Variants in AP4S1 observed in about 807,000 individuals in gnomAD.
AP4S1 encodes the protein AP-4 complex subunit sigma-1.
AP4S1 carries 23 observed loss-of-function variants against 19.8 expected under a neutral mutation model. That is an observed-to-expected ratio of 1.16 (90% CI 0.84 to 1.65). The LOEUF (loss-of-function observed/expected upper bound fraction) is 1.65, where lower values mean the gene tolerates loss of function less well. AP4S1 is among the 40% of genes most tolerant of loss of function. The pLI is 0.00. For synonymous variants in AP4S1, 46 were observed against 54.1 expected, an observed-to-expected ratio of 0.85 and a Z score of 0.66; for missense variants, 166 against 172.8, an observed-to-expected ratio of 0.96 and a Z score of 0.22.
Position 31,025,710 on chromosome 14 carries a change from A to G in AP4S1, c.-149A>G, listed in dbSNP as rs1594607283. ...ACCGCGTAGCCAGTGAAGGTTGGGGAGCAAGCTTATGCGGGAAAGAGGGAG... is the reference window on the plus strand; with the variant it reads ...ACCGCGTAGCCAGTGAAGGTTGGGGGGCAAGCTTATGCGGGAAAGAGGGAG... On this transcript the variant is annotated 5_prime_UTR_variant, in exon 1 of 6. Coordinates refer to ENST00000542754, the MANE Select transcript of AP4S1 (RefSeq NM_001128126.3). The G allele has an allele frequency of 1.2e-6, 1 of 816,748 alleles. No homozygotes were observed. Among genetic ancestry groups the G allele is most frequent in the South Asian group, 1.8e-5 (1 of 55,096 alleles). The allele number at this position is 816,748 out of a possible 1,614,324, so 50.6% of individuals were successfully genotyped here. A position where few individuals can be genotyped will look rare whatever the true frequency, so the allele number is the denominator to read the frequency against.
At chr14:31,051,252 T>C (rs1404960643) in intron 1 of AP4S1, among the ~76,000 whole-genome samples, 1 of 146,134 alleles carries the variant, frequency 6.8e-6, no homozygotes, top group African/African-American at 2.5e-5. Context: ...CAAAACCGTG[T>C]CTCAAAAAAA....
At chr14:31,026,479 C>T in intron 1 of AP4S1, 1 of 373,406 alleles carries the variant, frequency 2.7e-6, no homozygotes, top group South Asian at 6.5e-5. Context: ...CACTAGCGCA[C>T]AGCATGCTGG....
intron 1 of AP4S1, among the ~76,000 whole-genome samples, chr14:31,036,332 C>A (rs1884774029): frequency 6.6e-6 from 1 of 152,030 alleles, no homozygotes; most frequent in African/African-American, 2.4e-5. Context: ...ATCTTTCCAC[C>A]TTGGCCTCCC....
intron 1 of AP4S1, among the ~76,000 whole-genome samples, chr14:31,032,614 C>G (rs1337970168): frequency 6.6e-6 from 1 of 151,654 alleles, no homozygotes. Flanking sequence ...ACCTCCACCT[C>G]CTGGGTTCAA....
chr14:31,040,845 G>T (rs1885065646), intron 1 of AP4S1, among the ~76,000 whole-genome samples: 1 of 151,862 alleles, frequency 6.6e-6, no homozygotes, highest in Non-Finnish European at 1.5e-5. Flanking sequence ...TGGGAATCAG[G>T]ATATCTAATA....
In AP4S1 at chr14:31,053,502, G is replaced by C. The variant is rs190859455; in HGVS notation, c.-71-12624G>C. Among the ~76,000 whole-genome samples, 365 of 151,962 alleles carry C rather than the reference G, an allele frequency of 2.4e-3. 3 individuals are homozygous for C. The highest frequency in any genetic ancestry group is 8.4e-3 in the African/African-American group (349 of 41,478). On this transcript the variant is annotated intron_variant, in intron 1 of 5. Coordinates refer to ENST00000542754, the MANE Select transcript of AP4S1 (RefSeq NM_001128126.3). ...GCCAAGGCACTGGATCAAATGAAGG[G>C]AACCGAAAGCCTGAGCTGGGTTGGG... is the stretch of plus-strand genomic sequence containing the variant.
intron 1 of AP4S1, among the ~76,000 whole-genome samples, chr14:31,052,791 G>A (rs1885873397): frequency 6.6e-6 from 1 of 151,392 alleles, no homozygotes; most frequent in Admixed American, 6.6e-5. Context: ...CATTCTAGCA[G>A]GTTACATGGC....
rs1478499890 is a variant in AP4S1 at position 31,072,933 on chromosome 14, A to T, written c.254A>T (p.His85Leu). ...GAGATGGCTATTTATGAATTCATTC[A>T]TAACTTTGTGGAAGTTTTAGATGAG... Reference protein sequence around the residue: ...ENEMAIYEFIHNFVEVLDEYF... With the variant: ...ENEMAIYEFILNFVEVLDEYF... The change falls in exon 4 of 6, where the codon CAT (histidine) becomes CTT (leucine). Residue 85 changes from histidine (H) to leucine (L), a missense_variant. Transcript: ENST00000542754. 1.9e-6 allele frequency: 3 copies of T among 1,613,854 alleles called. No homozygotes were observed. Among genetic ancestry groups the T allele is most frequent in the Non-Finnish European group, 8.5e-7 (1 of 1,179,870 alleles).
intron 2 of AP4S1, among the ~76,000 whole-genome samples, chr14:31,069,478 G>A (rs1452805748): frequency 6.6e-6 from 1 of 152,196 alleles, no homozygotes; most frequent in African/African-American, 2.4e-5. Context: ...TTGGGGAGGT[G>A]AGAAGAAGAA....
chr14:31,036,923 C>G (rs760301388), intron 1 of AP4S1, among the ~76,000 whole-genome samples: 7 of 152,142 alleles, frequency 4.6e-5, no homozygotes, highest in Middle Eastern at 3.2e-3. Flanking sequence ...AGTGATTCTC[C>G]TGCCTCAGCC....
chr14:31,053,143 G>C (rs1338327442), intron 1 of AP4S1, among the ~76,000 whole-genome samples: 1 of 151,982 alleles, frequency 6.6e-6, no homozygotes, highest in Non-Finnish European at 1.5e-5. Flanking sequence ...TTTTCACTAT[G>C]TTGGCCAGGC....
At chr14:31,048,293 G>T (rs1426682620) in intron 1 of AP4S1, among the ~76,000 whole-genome samples, 1 of 151,448 alleles carries the variant, frequency 6.6e-6, no homozygotes, top group East Asian at 2.0e-4. Flanking sequence ...GTAGAAACGG[G>T]GTCCCACCCT....
chr14:31,090,899 A>T (rs1004352043), intron 5 of AP4S1, among the ~76,000 whole-genome samples: 1 of 152,224 alleles, frequency 6.6e-6, no homozygotes, highest in Non-Finnish European at 1.5e-5. Flanking sequence ...AAGCTGCATG[A>T]TTATTAGAGT....
intron 4 of AP4S1, among the ~76,000 whole-genome samples, chr14:31,073,750 G>C (rs1156323412): frequency 6.6e-6 from 1 of 151,268 alleles, no homozygotes; most frequent in Non-Finnish European, 1.5e-5. Context: ...ATGTTGGTCA[G>C]GCAGGTCTCA....
chr14:31,035,976 CG>C, intron 1 of AP4S1, among the ~76,000 whole-genome samples: 1 of 152,152 alleles, frequency 6.6e-6, no homozygotes, highest in East Asian at 1.9e-4. Flanking sequence ...GTGATCCGCC[CG>C]CCTTGGCCTC....
intron 1 of AP4S1, among the ~76,000 whole-genome samples, chr14:31,047,590 T>A (rs1885490705): frequency 6.6e-6 from 1 of 151,846 alleles, no homozygotes; most frequent in South Asian, 2.1e-4. Flanking sequence ...AGAGACTGGG[T>A]TTCACTGTGT....
At chr14:31,026,232 G>A (rs1277445827) in intron 1 of AP4S1, 3 of 1,376,678 alleles carry the variant, frequency 2.2e-6, no homozygotes, top group Admixed American at 7.7e-5. Flanking sequence ...GCCGACAGCT[G>A]GGGGAAGGGC....
At chr14:31,025,989 G>A (rs1382975758) in intron 1 of AP4S1, 2 of 1,569,098 alleles carry the variant, frequency 1.3e-6, no homozygotes, top group East Asian at 2.4e-5. Context: ...CAGTATCCCC[G>A]GGATAGTGTA....
Position 31,073,294 on chromosome 14 carries a change from T to C in AP4S1, c.294+321T>C, listed in dbSNP as rs182897584. On this transcript the variant is annotated intron_variant, in intron 4 of 5. Coordinates refer to ENST00000542754, the MANE Select transcript of AP4S1 (RefSeq NM_001128126.3). ...TCACAAGGTCAGGAGATGGAGACCA[T>C]CCTGGCTAATACGGTGAAACCCCGT... 5.4e-3 allele frequency: 1,603 copies of C among 295,024 alleles called. 29 individuals carry two copies. The highest frequency in any genetic ancestry group is 0.032 in the African/African-American group (1,471 of 45,562). The allele number at this position is 295,024 out of a possible 1,614,324, so 18.3% of individuals were successfully genotyped here. A position where few individuals can be genotyped will look rare whatever the true frequency, so the allele number is the denominator to read the frequency against.
Sources: gnomAD v4.1 joint callset for allele counts (sites outside exome capture counted in the v4.1 genomes callset) on GRCh38, gnomAD v4.1.1 for gene constraint, MANE v1.5 for transcripts, NCBI Gene and HGNC (gene_info 2026-07-23, HGNC 2026-07-21) for gene names.